The following ATF2 variants were observed in gnomAD, a reference collection of about 807,000 sequenced individuals.
The protein encoded by ATF2 is activating transcription factor 2.
Under a neutral mutation model 60.6 loss-of-function variants are expected in ATF2, and 24 were observed. The ratio of observed to expected loss-of-function variants is 0.40; its 90% CI spans 0.29 to 0.56. ATF2 has a LOEUF of 0.56. Ranked by LOEUF, ATF2 falls within the 20% of genes least tolerant of loss-of-function variation. The probability of loss-of-function intolerance (pLI) is 0.54; values close to 1 mark genes in which losing one functional copy is unlikely to be tolerated. For synonymous variants in ATF2, 206 were observed against 215.4 expected (o/e 0.96, Z 0.38); for missense variants, 433 against 607.7 (o/e 0.71, Z 3.02).
chr2:175,101,226 T>G (rs1185770154), intron 10 of ATF2, among the ~76,000 whole-genome samples: 1 of 152,108 alleles, frequency 6.6e-6, no homozygotes, highest in African/African-American at 2.4e-5. Context: ...AATGCGGGAC[T>G]AAAGTAGTAG....
chr2:175,135,946 C>T (rs1388178921), intron 3 of ATF2, among the ~76,000 whole-genome samples: 1 of 150,930 alleles, frequency 6.6e-6, no homozygotes, highest in South Asian at 2.1e-4. Context: ...TGTCAGTAGA[C>T]ACTAAAGAAA....
intron 1 of ATF2, among the ~76,000 whole-genome samples, chr2:175,165,907 G>A (rs1346572093): frequency 2.0e-5 from 3 of 152,050 alleles, no homozygotes; most frequent in Non-Finnish European, 2.9e-5. Flanking sequence ...CTCATGATCC[G>A]CCCCACTCGG....
At chr2:175,114,632 T>A in intron 8 of ATF2, 58 bp downstream of exon 8, 11 of 1,563,048 alleles carry the variant, frequency 7.0e-6, no homozygotes, top group Non-Finnish European at 9.6e-6. Context: ...TTAGGAAAAA[T>A]CATTACAAAA....
At chr2:175,151,303 C>T (rs976257550) in intron 1 of ATF2, 145 bp from the exon 2 acceptor site, 4 of 151,982 alleles carry the variant, frequency 2.6e-5, no homozygotes, top group African/African-American at 9.7e-5. Flanking sequence ...CCTCCCATTC[C>T]ATGTTTTTCA....
At chr2:175,117,398 G>A (rs1696655595) in intron 7 of ATF2, among the ~76,000 whole-genome samples, 1 of 151,946 alleles carries the variant, frequency 6.6e-6, no homozygotes, top group South Asian at 2.1e-4. Context: ...GTGTCCCATT[G>A]CCCTTCGCTG....
chr2:175,157,456 T>C (rs574814850), intron 1 of ATF2, among the ~76,000 whole-genome samples: 1 of 152,180 alleles, frequency 6.6e-6, no homozygotes, highest in African/African-American at 2.4e-5. Context: ...CATTGGAAAC[T>C]GAGGCCATCT....
At chr2:175,160,124 C>T in intron 1 of ATF2, among the ~76,000 whole-genome samples, 1 of 152,190 alleles carries the variant, frequency 6.6e-6, no homozygotes, top group East Asian at 1.9e-4. Context: ...GTGGCTCACG[C>T]CTGTAACCCC....
chr2:175,135,511 T>C (rs1698075583), intron 3 of ATF2, among the ~76,000 whole-genome samples: 1 of 152,172 alleles, frequency 6.6e-6, no homozygotes, highest in African/African-American at 2.4e-5. Flanking sequence ...ACTGACTGTA[T>C]TACTTTCCCA....
At chr2:175,081,500 C>G (rs10187077) in intron 12 of ATF2, among the ~76,000 whole-genome samples, 2 of 151,990 alleles carry the variant, frequency 1.3e-5, no homozygotes, top group African/African-American at 4.8e-5. Flanking sequence ...TGAGTCACCC[C>G]GAATATTAAA....
chr2:175,112,658 A>G (rs1201664239), intron 9 of ATF2, among the ~76,000 whole-genome samples: 1 of 152,214 alleles, frequency 6.6e-6, no homozygotes, highest in African/African-American at 2.4e-5. Flanking sequence ...AATCTCGGCT[A>G]ACTACAGTCT....
At position 175,120,776 on chromosome 2, in the gene ATF2, A is replaced by G. The variant is rs1696902008; in HGVS notation, c.199+668T>C. On this transcript the variant is annotated intron_variant, in intron 5 of 13. Coordinates refer to ENST00000264110, the MANE Select transcript of ATF2 (RefSeq NM_001880.4). ...TTATACATGACATATATGTATATATACATAGATGTGTGTGTGTATATATTT... is the reference window on the plus strand; with the variant it reads ...TTATACATGACATATATGTATATATGCATAGATGTGTGTGTGTATATATTT... Among the ~76,000 whole-genome samples, 2 of 151,770 alleles carry G rather than the reference A, an allele frequency of 1.3e-5. 1 individual carries two copies. Among genetic ancestry groups the G allele is most frequent in the South Asian group, 4.1e-4 (2 of 4,830 alleles).
intron 1 of ATF2, among the ~76,000 whole-genome samples, chr2:175,155,680 T>C (rs1261846502): frequency 1.3e-5 from 2 of 152,160 alleles, no homozygotes; most frequent in African/African-American, 4.8e-5. Context: ...TTAAAATACA[T>C]TGGATTCAAA....
At chr2:175,075,820 C>T (rs1018233561) in intron 13 of ATF2, among the ~76,000 whole-genome samples, 3 of 152,174 alleles carry the variant, frequency 2.0e-5, no homozygotes, top group African/African-American at 7.2e-5. Flanking sequence ...AGTTTTACCA[C>T]ATAGGCATGT....
intron 4 of ATF2, among the ~76,000 whole-genome samples, chr2:175,126,137 T>C (rs900026678): frequency 5.3e-5 from 8 of 152,210 alleles, no homozygotes; most frequent in Admixed American, 1.3e-4. Flanking sequence ...CTAAATTCAA[T>C]AGTAAATACT....
chr2:175,120,137 T>C (rs1222656308), intron 5 of ATF2, among the ~76,000 whole-genome samples: 10 of 151,632 alleles, frequency 6.6e-5, no homozygotes, highest in Non-Finnish European at 1.3e-4. Flanking sequence ...TCAAAACATA[T>C]TTGAGTTAAA....
rs1553501577 is a variant in ATF2, at chr2:175,085,599, A to ACAC, written c.1186-4835_1186-4834insGTG. Among the ~76,000 whole-genome samples, 375 of 110,370 alleles carry ACAC rather than the reference A, an allele frequency of 3.4e-3. 2 individuals are homozygous for ACAC. Among genetic ancestry groups the ACAC allele is most frequent in the African/African-American group, 0.011 (252 of 23,092 alleles). 72.4% of individuals were successfully genotyped at this position (110,370 alleles called of 152,430 possible). ...ACACACACACACACACACACACACA[A>ACAC]ATTCTCTCTTTAAATAGACAGGTCT... On this transcript the variant is annotated intron_variant, in intron 12 of 13. Coordinates refer to ENST00000264110, the MANE Select transcript of ATF2 (RefSeq NM_001880.4).
chr2:175,108,505 G>A lies in ATF2; in HGVS notation c.828+3063C>T, dbSNP rs541965671. On this transcript the variant is annotated intron_variant, in intron 10 of 13. Coordinates refer to ENST00000264110, the MANE Select transcript of ATF2 (RefSeq NM_001880.4). ...CCGGCCAGCCGCCCCTTCCGGGAGG[G>A]AGGTGGGGGGTCAGCCCCCGCCCGG... Among the ~76,000 whole-genome samples, 27 of 150,486 alleles carry A rather than the reference G, an allele frequency of 1.8e-4. No individual in the cohort carries two copies. The South Asian group carries it at 5.7e-3, about 32-fold the overall frequency.
At chr2:175,165,066 G>A (rs184744116) in intron 1 of ATF2, among the ~76,000 whole-genome samples, 33 of 152,058 alleles carry the variant, frequency 2.2e-4, no homozygotes, top group Middle Eastern at 3.4e-3. Context: ...CAGCTGATCC[G>A]CCTGCCTCAG....
chr2:175,124,336 T>C (rs745475248), intron 4 of ATF2, among the ~76,000 whole-genome samples: 78 of 151,804 alleles, frequency 5.1e-4, no homozygotes, highest in Admixed American at 1.1e-3. Flanking sequence ...GCAATCTCTC[T>C]TAAAAGGTTA....
Sources: gnomAD v4.1 joint callset for allele counts (sites outside exome capture counted in the v4.1 genomes callset) on GRCh38, gnomAD v4.1.1 for gene constraint, MANE v1.5 for transcripts, NCBI Gene and HGNC (gene_info 2026-07-23, HGNC 2026-07-21) for gene names.